The following CDC37 variants were observed in gnomAD, a reference collection of about 807,000 sequenced individuals.
CDC37 encodes the protein cell division cycle 37, HSP90 cochaperone.
Under a neutral mutation model 46.9 loss-of-function variants are expected in CDC37, and 9 were observed. The observed-to-expected ratio is 0.19, with a 90% CI of 0.12 to 0.33. The LOEUF is 0.33. CDC37 is among the 10% of genes least tolerant of loss of function. The pLI, the probability that CDC37 is intolerant of heterozygous loss-of-function variation, is 1.00. For missense variants in CDC37, 388 were observed against 514.6 expected, an observed-to-expected ratio of 0.75 and a Z score of 2.38; for synonymous variants, 193 against 191.0, an observed-to-expected ratio of 1.01 and a Z score of -0.09.
intron 1 of CDC37, among the ~76,000 whole-genome samples, chr19:10,397,560 G>A (rs1331613978): frequency 1.3e-5 from 2 of 151,728 alleles, no homozygotes; most frequent in Non-Finnish European, 2.9e-5. Context: ...ACAGGCACGC[G>A]CCACCACGCC....
rs1015900714 is a variant in CDC37 at position 10,396,555 on chromosome 19, T to C, written c.103-352A>G. The stretch of plus-strand genomic sequence containing the variant: ...TCTCACCTTTTCTTGAGGCCATTTT[T>C]TTTGTTTAAGAAAACAAAACAAAAC... On this transcript the variant is annotated intron_variant, in intron 1 of 7. Coordinates refer to ENST00000222005, the MANE Select transcript of CDC37 (RefSeq NM_007065.4). The surrounding 1 kb of genome is among the most constrained non-coding windows in gnomAD (Gnocchi z 5.9). Among the ~76,000 whole-genome samples, 1 of 152,130 alleles carries C rather than the reference T, an allele frequency of 6.6e-6. No individual in the cohort carries two copies. The highest frequency in any genetic ancestry group is 2.4e-5 in the African/African-American group (1 of 41,422).
intron 4 of CDC37, 38 bp downstream of exon 4, chr19:10,395,190 C>T: frequency 6.2e-7 from 1 of 1,613,058 alleles, no homozygotes; most frequent in Non-Finnish European, 8.5e-7. Context: ...GGCCTCATGG[C>T]AGCGCCTTTT....
Position 10,398,655 on chromosome 19 carries a change from G to A in CDC37, c.103-2452C>T, listed in dbSNP as rs1704359853. Reference sequence around the variant, plus strand: ...TGGGCCCTCAGCACGCACCCTTCCTGTACTGGCCAGGGTCATTACCATCTG... The same window carrying A: ...TGGGCCCTCAGCACGCACCCTTCCTATACTGGCCAGGGTCATTACCATCTG... On this transcript the variant is annotated intron_variant, in intron 1 of 7. Transcript: ENST00000222005. The surrounding 1 kb of genome is among the most constrained non-coding windows in gnomAD (Gnocchi z 4.2). 6.6e-6 allele frequency among the ~76,000 whole-genome samples: 1 copy of A among 152,188 alleles called. No homozygotes were observed. The highest frequency in any genetic ancestry group is 1.9e-4 in the East Asian group (1 of 5,200).
In CDC37 at chr19:10,391,392, G is replaced by A. The variant is rs957400690; in HGVS notation, c.*159C>T. 282 of 796,506 alleles carry A rather than the reference G, an allele frequency of 3.5e-4. 3 individuals carry two copies. The Admixed American group carries it at 6.0e-3, about 17-fold the overall frequency. 49.3% of individuals were successfully genotyped at this position (796,506 alleles called of 1,614,324 possible). On this transcript the variant is annotated 3_prime_UTR_variant, in exon 8 of 8. Coordinates refer to ENST00000222005, the MANE Select transcript of CDC37 (RefSeq NM_007065.4). ...AGACTTGAATGGGCGCTGGAGAGTG[G>A]AGACAGTGGAGAGGCCAGGGAGGGC... is the stretch of plus-strand genomic sequence containing the variant.
Position 10,392,876 on chromosome 19 carries a change from T to A in CDC37, c.981+210A>T, listed in dbSNP as rs140916779. 142 of 596,382 alleles carry A rather than the reference T, an allele frequency of 2.4e-4. No homozygotes were observed. The African/African-American group carries it at 2.6e-3, about 11-fold the overall frequency. The allele number at this position is 596,382 out of a possible 1,614,324, so 36.9% of individuals were successfully genotyped here. A position where few individuals can be genotyped will look rare whatever the true frequency, so the allele number is the denominator to read the frequency against. On this transcript the variant is annotated intron_variant, in intron 7 of 7. Coordinates refer to ENST00000222005, the MANE Select transcript of CDC37 (RefSeq NM_007065.4). Reference sequence around the variant, plus strand: ...GTAACAGTGACAGTCACGAAGGACATGCGCTCAAAGCTCAGCATTTATCTG... The same window carrying A: ...GTAACAGTGACAGTCACGAAGGACAAGCGCTCAAAGCTCAGCATTTATCTG...
At position 10,391,458 on chromosome 19, in the gene CDC37, G is replaced by A; in HGVS notation, c.*93C>T. 1 of 1,503,542 alleles carries A rather than the reference G, an allele frequency of 6.7e-7. No individual in the cohort carries two copies. The highest frequency in any genetic ancestry group is 1.1e-5 in the South Asian group (1 of 88,438). The allele number at this position is 1,503,542 out of a possible 1,614,324, so 93.1% of individuals were successfully genotyped here. ...GGCTGGGCCGAGCAGCGCAAGTAGA[G>A]GAAGTCAGGAGCGGGCGAGATGGCA... On this transcript the variant is annotated 3_prime_UTR_variant, in exon 8 of 8. Coordinates refer to ENST00000222005, the MANE Select transcript of CDC37 (RefSeq NM_007065.4).
intron 5 of CDC37, among the ~76,000 whole-genome samples, 193 bp downstream of exon 5, chr19:10,394,828 G>A (rs937046983): frequency 1.3e-5 from 2 of 150,944 alleles, no homozygotes; most frequent in South Asian, 2.1e-4. Flanking sequence ...CACTGCGCCC[G>A]GCCTCCACTT....
Position 10,391,758 on chromosome 19 carries a change from G to A in CDC37, c.982-52C>T, listed in dbSNP as rs55732741. On this transcript the variant is annotated intron_variant, in intron 7 of 7. Transcript: ENST00000222005. Reference sequence around the variant, plus strand: ...GTGGGGCCGCCAGCCGGTGGTCCCCGTTGTCCCCGTTGTCCCTTGCACATC... The same window carrying A: ...GTGGGGCCGCCAGCCGGTGGTCCCCATTGTCCCCGTTGTCCCTTGCACATC... 1.7e-3 allele frequency: 2,662 copies of A among 1,565,530 alleles called. 2 individuals carry two copies. Among genetic ancestry groups the A allele is most frequent in the Non-Finnish European group, 2.2e-3 (2,504 of 1,145,826 alleles).
chr19:10,392,993 G>A (rs780046863), intron 7 of CDC37, 93 bp downstream of exon 7: 4 of 1,158,164 alleles, frequency 3.5e-6, no homozygotes, highest in Non-Finnish European at 5.2e-6. Context: ...CCTTGGAGGG[G>A]CACTTTCACC....
chr19:10,403,064 G>A (rs2042528354), intron 1 of CDC37, among the ~76,000 whole-genome samples: 1 of 152,106 alleles, frequency 6.6e-6, no homozygotes, highest in African/African-American at 2.4e-5. Flanking sequence ...GGGTATAAAT[G>A]TTAACTGCCG....
Position 10,395,555 on chromosome 19 carries a change from T to C in CDC37, c.379-12A>G. 1 of 1,598,074 alleles carries C rather than the reference T, an allele frequency of 6.3e-7. No homozygotes were observed. Among genetic ancestry groups the C allele is most frequent in the Non-Finnish European group, 8.6e-7 (1 of 1,165,338 alleles). ...GTATTTACCATGCTCTGTGGTAGGG[T>C]GAGAGGGGGAGTGGGCTGGGGCAAG... is the stretch of plus-strand genomic sequence containing the variant. On this transcript the variant is annotated splice_polypyrimidine_tract_variant and intron_variant, in intron 2 of 7. Coordinates refer to ENST00000222005, the MANE Select transcript of CDC37 (RefSeq NM_007065.4).
In CDC37 at chr19:10,398,923, C is replaced by T. The variant is rs565348246; in HGVS notation, c.103-2720G>A. 3.9e-5 allele frequency among the ~76,000 whole-genome samples: 6 copies of T among 152,244 alleles called. No homozygotes were observed. The highest frequency in any genetic ancestry group is 1.9e-4 in the East Asian group (1 of 5,174). On this transcript the variant is annotated intron_variant, in intron 1 of 7. Coordinates refer to ENST00000222005, the MANE Select transcript of CDC37 (RefSeq NM_007065.4). The surrounding 1 kb of genome is among the most constrained non-coding windows in gnomAD (Gnocchi z 4.2). ...GTGAAATGGAGTCTCACAGGATCGC[C>T]GTGAGAACTGAATGACTAACTCTAT... is the stretch of plus-strand genomic sequence containing the variant.
intron 2 of CDC37, 80 bp downstream of exon 2, chr19:10,395,848 A>C: frequency 7.3e-7 from 1 of 1,371,814 alleles, no homozygotes; most frequent in Non-Finnish European, 9.9e-7. Flanking sequence ...TCCCCTGACC[A>C]GGCATTGGGT....
At chr19:10,395,667 C>A in intron 2 of CDC37, 124 bp from the exon 3 acceptor site, 1 of 900,908 alleles carries the variant, frequency 1.1e-6, no homozygotes, top group Non-Finnish European at 1.8e-6. Context: ...AAGCCATGAG[C>A]ATCAAGGTGG....
At chr19:10,397,851 A>C (rs1381064368) in intron 1 of CDC37, among the ~76,000 whole-genome samples, 1 of 150,884 alleles carries the variant, frequency 6.6e-6, no homozygotes, top group Non-Finnish European at 1.5e-5. Flanking sequence ...CCCAGATGTC[A>C]CTCCCCAGGC....
Position 10,391,718 on chromosome 19 carries a change from A to T in CDC37, c.982-12T>A, listed in dbSNP as rs1568353297. On this transcript the variant is annotated splice_polypyrimidine_tract_variant and intron_variant, in intron 7 of 7. Coordinates refer to ENST00000222005, the MANE Select transcript of CDC37 (RefSeq NM_007065.4). ...TGGTACTTTGCGTCCTGTGAGGAGA[A>T]GGCAGGCAGATGAGGTGGGGCCGCC... The T allele has an allele frequency of 1.9e-6, 3 of 1,609,126 alleles. No homozygotes were observed. In the African/African-American group the frequency reaches 4.0e-5, roughly 22 times the overall value.
At position 10,393,947 on chromosome 19, in the gene CDC37, G is replaced by A. The variant is rs954988778; in HGVS notation, c.727-506C>T. On this transcript the variant is annotated intron_variant, in intron 5 of 7. Transcript: ENST00000222005. The surrounding 1 kb of genome is among the most constrained non-coding windows in gnomAD (Gnocchi z 4.9). ...TCTACTAAAATACAAAAAATTAACCGGGCATGGTGGCACATGCCTGTAGTC... is the reference window on the plus strand; with the variant it reads ...TCTACTAAAATACAAAAAATTAACCAGGCATGGTGGCACATGCCTGTAGTC... 1.3e-5 allele frequency among the ~76,000 whole-genome samples: 2 copies of A among 152,110 alleles called. No homozygotes were observed. The highest frequency in any genetic ancestry group is 2.9e-5 in the Non-Finnish European group (2 of 68,028).
chr19:10,392,965 C>T (rs2050553650), intron 7 of CDC37, 121 bp downstream of exon 7: 1 of 832,474 alleles, frequency 1.2e-6, no homozygotes, highest in Non-Finnish European at 2.0e-6. Context: ...ACACGACCCC[C>T]CTTACTCCTT....
In CDC37 at chr19:10,403,527, G is replaced by T. The variant is rs763127893; in HGVS notation, c.-48C>A. 29 of 1,427,454 alleles carry T rather than the reference G, an allele frequency of 2.0e-5. No homozygotes were observed. The Middle Eastern group carries it at 2.8e-3, about 139-fold the overall frequency. The allele number at this position is 1,427,454 out of a possible 1,614,324, so 88.4% of individuals were successfully genotyped here. ...CTCCGGCTCGGGTGGCGGCGACGGC[G>T]GCAGCAGTGGAGACTAGGAGCGCGG... On this transcript the variant is annotated 5_prime_UTR_variant, in exon 1 of 8. Transcript: ENST00000222005.
Sources: allele counts gnomAD v4.1 joint callset (sites outside exome capture counted in the v4.1 genomes callset), GRCh38; gene constraint gnomAD v4.1.1; non-coding constraint Gnocchi (gnomAD v3.1); transcripts MANE v1.5; gene names NCBI Gene and HGNC (gene_info 2026-07-23, HGNC 2026-07-21).